Variants in SLC13A4 observed in about 807,000 individuals in gnomAD.
SLC13A4 encodes Na(+)/sulfate cotransporter SUT-1.
SLC13A4 carries 28 observed loss-of-function variants against 72.7 expected under a neutral mutation model. The observed-to-expected ratio is 0.39, with a 90% CI of 0.29 to 0.53. The LOEUF is 0.53. Ranked by LOEUF, SLC13A4 falls within the 20% of genes least tolerant of loss-of-function variation. SLC13A4 has a pLI of 0.78. For missense variants in SLC13A4, 653 were observed against 788.0 expected (o/e 0.83, Z 2.05); for synonymous variants, 312 against 325.5 (o/e 0.96, Z 0.45).
intron 6 of SLC13A4, 74 bp from the exon 7 acceptor site, chr7:135,701,834 G>A (rs1796043791): frequency 6.9e-7 from 1 of 1,441,218 alleles, no homozygotes; most frequent in Non-Finnish European, 9.7e-7. Flanking sequence ...GGACCACCTA[G>A]TCATCCCAGG....
Position 135,727,802 on chromosome 7 carries a change from G to C in SLC13A4, c.-306C>G, listed in dbSNP as rs1346643249. 8.9e-6 allele frequency: 3 copies of C among 337,638 alleles called. No homozygotes were observed. The highest frequency in any genetic ancestry group is 4.5e-5 in the Admixed American group (1 of 22,030). 20.9% of individuals were successfully genotyped at this position (337,638 alleles called of 1,614,324 possible). On this transcript the variant is annotated 5_prime_UTR_variant, in exon 1 of 16. Coordinates refer to ENST00000682651, the MANE Select transcript of SLC13A4 (RefSeq NM_001318192.2). ...TCCTCTCGGCTTGATTAGTAATAGA[G>C]TAACTTCATTCTAGGTGTCAGCAGA...
intron 2 of SLC13A4, among the ~76,000 whole-genome samples, chr7:135,710,623 TTTTCA>T (rs1175141867): frequency 6.6e-6 from 1 of 152,190 alleles, no homozygotes; most frequent in Non-Finnish European, 1.5e-5. Flanking sequence ...GACTGCTGAC[TTTTCA>T]TTATAAGCGT....
At chr7:135,702,075 T>TAA (rs11431156) in intron 6 of SLC13A4, 363 of 179,490 alleles carry the variant, frequency 2.0e-3, no homozygotes, top group Non-Finnish European at 3.1e-3. Flanking sequence ...AAAAAGAAAA[T>TAA]AAAAAAAAAA....
At chr7:135,691,443 A>C in intron 12 of SLC13A4, 105 bp downstream of exon 12, 11 of 452,276 alleles carry the variant, frequency 2.4e-5, no homozygotes, top group Non-Finnish European at 3.9e-5. Context: ...GGGGGCCGGG[A>C]GGGGGGTGGG....
At chr7:135,718,088 C>CACGT (rs754511549) in intron 2 of SLC13A4, among the ~76,000 whole-genome samples, 5,421 of 149,650 alleles carry the variant, frequency 0.036, 121 homozygotes, top group Middle Eastern at 0.086. Flanking sequence ...CACACACACA[C>CACGT]GCGCGCGCGC....
intron 1 of SLC13A4, among the ~76,000 whole-genome samples, chr7:135,722,291 C>T (rs1034961450): frequency 6.6e-6 from 1 of 152,106 alleles, no homozygotes; most frequent in Non-Finnish European, 1.5e-5. Flanking sequence ...ACAGTTCGTT[C>T]ACATGTGAGC....
At chr7:135,697,467 C>T (rs1341192198) in intron 8 of SLC13A4, among the ~76,000 whole-genome samples, 1 of 152,170 alleles carries the variant, frequency 6.6e-6, no homozygotes, top group African/African-American at 2.4e-5. Context: ...TCCCTTAAAC[C>T]TGACTGTTCC....
intron 9 of SLC13A4, among the ~76,000 whole-genome samples, chr7:135,694,670 A>G (rs2129494182): frequency 6.6e-6 from 1 of 152,392 alleles, no homozygotes; most frequent in Admixed American, 6.5e-5. Context: ...CTTTGTCTCT[A>G]GCCAAACAAA....
chr7:135,689,593 C>G (rs73160714), intron 13 of SLC13A4, among the ~76,000 whole-genome samples: 7,811 of 152,194 alleles, frequency 0.051, 260 homozygotes, highest in South Asian at 0.084. Flanking sequence ...TGGGTCACTA[C>G]TACTTGATTT....
At position 135,684,189 on chromosome 7, in the gene SLC13A4, G is replaced by A. The variant is rs1180570153; in HGVS notation, c.1681C>T (p.Leu561=). The A allele has an allele frequency of 6.2e-7, 1 of 1,613,330 alleles. No individual in the cohort carries two copies. Among genetic ancestry groups the A allele is most frequent in the Non-Finnish European group, 8.5e-7 (1 of 1,179,564 alleles). Residue 561 remains leucine (L), a synonymous_variant, in exon 15 of 16, where the codon CTG becomes TTG. Coordinates refer to ENST00000682651, the MANE Select transcript of SLC13A4 (RefSeq NM_001318192.2). Reference sequence around the variant, plus strand: ...GCATTAGGGGGATTGCCCACAGGCAGCATCACTGCAAAGGAGATGCACATG... The same window carrying A: ...GCATTAGGGGGATTGCCCACAGGCAACATCACTGCAAAGGAGATGCACATG... The part of the protein sequence containing the change: ...VTMCISFAVM[L]PVGNPPNAIV...
At chr7:135,685,845 G>A (rs1446764564) in intron 13 of SLC13A4, among the ~76,000 whole-genome samples, 162 bp from the exon 14 acceptor site, 2 of 152,218 alleles carry the variant, frequency 1.3e-5, no homozygotes, top group African/African-American at 2.4e-5. Flanking sequence ...TTTATGGTTC[G>A]ATCATTTTTG....
At chr7:135,687,709 C>T (rs1434497658) in intron 13 of SLC13A4, among the ~76,000 whole-genome samples, 1 of 152,180 alleles carries the variant, frequency 6.6e-6, no homozygotes, top group African/African-American at 2.4e-5. Flanking sequence ...TGGACAGAGG[C>T]AGGGGAGGAA....
At chr7:135,699,592 T>G (rs1428236324) in intron 7 of SLC13A4, 44 bp from the exon 8 acceptor site, 8 of 1,533,258 alleles carry the variant, frequency 5.2e-6, no homozygotes, top group Non-Finnish European at 6.2e-6. Flanking sequence ...CAGCTTGGGC[T>G]GTCTGGCCGA....
chr7:135,702,326 G>A (rs1796055717), intron 6 of SLC13A4: 1 of 157,794 alleles, frequency 6.3e-6, no homozygotes, highest in African/African-American at 2.4e-5. Flanking sequence ...TCGAGTAACT[G>A]TGTGCAGGTA....
At chr7:135,706,095 A>G in intron 4 of SLC13A4, 33 bp downstream of exon 4, 1 of 1,541,944 alleles carries the variant, frequency 6.5e-7, no homozygotes, top group Non-Finnish European at 8.8e-7. Flanking sequence ...AGGTTGGAGG[A>G]GCAAAGGAGA....
intron 8 of SLC13A4, among the ~76,000 whole-genome samples, chr7:135,696,017 G>T (rs1795897360): frequency 1.3e-5 from 2 of 152,314 alleles, no homozygotes; most frequent in South Asian, 4.1e-4. Flanking sequence ...GGGTAGAGGG[G>T]ATTTGTATGG....
intron 1 of SLC13A4, among the ~76,000 whole-genome samples, chr7:135,726,947 C>G (rs957497077): frequency 6.6e-6 from 1 of 152,224 alleles, no homozygotes; most frequent in Admixed American, 6.5e-5. Flanking sequence ...CTCCACGGTT[C>G]TCTTCCTCCC....
chr7:135,702,529 C>T, intron 6 of SLC13A4: 2 of 289,920 alleles, frequency 6.9e-6, no homozygotes. Flanking sequence ...GTGCCCATCA[C>T]CACTCCCAGC....
intron 8 of SLC13A4, 98 bp downstream of exon 8, chr7:135,699,266 C>A: frequency 4.9e-6 from 6 of 1,218,346 alleles, no homozygotes; most frequent in Non-Finnish European, 5.5e-6. Flanking sequence ...TACGGAAACT[C>A]TTCTATTCTC....
Sources: allele counts gnomAD v4.1 joint callset (sites outside exome capture counted in the v4.1 genomes callset), GRCh38; gene constraint gnomAD v4.1.1; transcripts MANE v1.5; gene names NCBI Gene and HGNC (gene_info 2026-07-23, HGNC 2026-07-21).